TTN: variants seen among roughly 807,000 people sequenced by gnomAD.
The protein encoded by TTN is titin.
A neutral mutation model predicts 3,223.0 loss-of-function variants in TTN; 1,525 were observed. The ratio of observed to expected loss-of-function variants is 0.47; its 90% CI spans 0.45 to 0.49. The LOEUF is 0.49. TTN is among the 20% of genes least tolerant of loss of function. The pLI is 0.00. For missense variants in TTN, 40,786 were observed against 43,424.0 expected, an observed-to-expected ratio of 0.94 and a Z score of 5.40; for synonymous variants, 14,094 against 15,161.0, an observed-to-expected ratio of 0.93 and a Z score of 5.17.
intron 47 of TTN, chr2:178,752,007 C>A: frequency 2.5e-6 from 4 of 1,591,182 alleles, no homozygotes; most frequent in Non-Finnish European, 3.4e-6. Context: ...GTATCCCTTT[C>A]TGAATGTTCA....
Position 178,575,553 on chromosome 2 carries a change from C to T in TTN, c.70579G>A (p.Val23527Ile), listed in dbSNP as rs542004766. 42 of 1,613,628 alleles carry T rather than the reference C, an allele frequency of 2.6e-5. No individual in the cohort carries two copies. The highest frequency in any genetic ancestry group is 9.3e-5 in the African/African-American group (7 of 75,026). The change falls in exon 326 of 363, where the codon GTA becomes ATA. Residue 23527 changes from valine to isoleucine, a missense_variant. Physicochemically the swap from Val to Ile is conservative, Grantham distance 29 (BLOSUM62 3). Coordinates refer to ENST00000589042, the MANE Select transcript of TTN (RefSeq NM_001267550.2). The surrounding 1 kb of genome is among the most constrained non-coding windows in gnomAD (Gnocchi z 4.0). Reference sequence around the variant, plus strand: ...GGAGATGGTGCTTCAGAGGCTTTTACGGGCTCTGTAGTTTCTGTTGGCTCA... The same window carrying T: ...GGAGATGGTGCTTCAGAGGCTTTTATGGGCTCTGTAGTTTCTGTTGGCTCA... ...IGEPTETTEP[V>I]KASEAPSPPD...
At chr2:178,716,539 A>G (rs538168074) in intron 88 of TTN, among the ~76,000 whole-genome samples, 1 of 152,292 alleles carries the variant, frequency 6.6e-6, no homozygotes, top group South Asian at 2.1e-4. Context: ...TAGCAGCGAT[A>G]AACATGTGGC....
rs887610132 is a variant in TTN, at chr2:178,714,274, C to T, written c.26482+18G>A. The T allele has an allele frequency of 3.7e-6, 6 of 1,605,988 alleles. No individual in the cohort carries two copies. The highest frequency in any genetic ancestry group is 2.7e-5 in the African/African-American group (2 of 74,580). ...AGTGTGTGCCTTGTATCTGTGATAA[C>T]ATCATCTTTTTACTAACCGAGAACG... On this transcript the variant is annotated intron_variant, in intron 91 of 362. Transcript: ENST00000589042.
Position 178,738,292 on chromosome 2 carries a change from AG to A in TTN, c.14160del (p.Cys4721ValfsTer40). 1 of 1,613,544 alleles carries A rather than the reference AG, an allele frequency of 6.2e-7. No homozygotes were observed. The highest frequency in any genetic ancestry group is 8.5e-7 in the Non-Finnish European group (1 of 1,179,688). On this transcript the variant is annotated frameshift_variant, in exon 49 of 363. Transcript: ENST00000589042. LOFTEE classifies it high-confidence loss of function. Reference protein sequence around the residue: ...EVALGHLAKFTCEIQSAPNVR... With the variant: ...EVALGHLAKFXCEIQSAPNVR... ...ACATTGGGAGCACTTTGGATCTCAC[AG>A]GTGAATTTGGCTAGGTGGCCCAGTG...
chr2:178,794,857 G>A, intron 7 of TTN, 65 bp downstream of exon 7: 1 of 1,574,318 alleles, frequency 6.4e-7, no homozygotes, highest in African/African-American at 1.3e-5. Context: ...TGAGTTTCAT[G>A]GCAGAAATCC....
At chr2:178,698,742 G>T in intron 112 of TTN, 101 bp downstream of exon 112, 1 of 1,130,338 alleles carries the variant, frequency 8.8e-7, no homozygotes, top group Non-Finnish European at 1.3e-6. Context: ...ACCATTTTGT[G>T]ATTGCAAACT....
Position 178,776,508 on chromosome 2 carries a change from C to T in TTN, c.5356G>A (p.Asp1786Asn). The T allele has an allele frequency of 1.2e-6, 2 of 1,608,872 alleles. No individual in the cohort carries two copies. The highest frequency in any genetic ancestry group is 1.7e-6 in the Non-Finnish European group (2 of 1,179,976). ...TCRATNKYGT[D>N]HTSATLIVKD... ...ACAATAAGGGTAGCAGATGTGTGAT[C>T]TGTTCCATATTTGTTAGTGGCTCTG... The change falls in exon 28 of 363, where the codon GAT (aspartate) becomes AAT (asparagine). Residue 1786 changes from aspartate (D) to asparagine (N), a missense_variant. Physicochemically the swap from Asp to Asn is conservative, Grantham distance 23 (BLOSUM62 1). Coordinates refer to ENST00000589042, the MANE Select transcript of TTN (RefSeq NM_001267550.2).
rs963925646 is a variant in TTN at position 178,526,205 on chromosome 2, C to A, written c.*807G>T. ...TCATTGCTTAGGTGCCCAGGTTTTT[C>A]AGGTGCAATTAAAATTTAGAACTAC... On this transcript the variant is annotated 3_prime_UTR_variant, in exon 363 of 363. Transcript: ENST00000589042. 1 of 152,506 alleles carries A rather than the reference C, an allele frequency of 6.6e-6. No individual in the cohort carries two copies. The highest frequency in any genetic ancestry group is 2.4e-5 in the African/African-American group (1 of 41,410). 9.4% of individuals were successfully genotyped at this position (152,506 alleles called of 1,614,324 possible).
intron 47 of TTN, chr2:178,745,441 G>A (rs934371918): frequency 4.1e-6 from 6 of 1,464,372 alleles, no homozygotes; most frequent in Non-Finnish European, 5.4e-6. Flanking sequence ...TTTCTACATA[G>A]AGATTATTTC....
In TTN at chr2:178,653,101, C is replaced by G. The variant is rs1365972148; in HGVS notation, c.38815G>C (p.Val12939Leu). The change falls in exon 199 of 363, where the codon GTT (valine) becomes CTT (leucine). Residue 12939 changes from valine to leucine, a missense_variant. Transcript: ENST00000589042. ...VKVPEAPKEVVPEKKVPVTPP... is the reference protein window; with the variant it reads ...VKVPEAPKEVLPEKKVPVTPP... ...GTCACTGGCACTTTCTTTTCAGGAA[C>G]AACTTCTTTGGGAGCCTCTGGCACT... 1.2e-6 allele frequency: 2 copies of G among 1,613,046 alleles called. No homozygotes were observed. Among genetic ancestry groups the G allele is most frequent in the South Asian group, 1.1e-5 (1 of 90,970 alleles).
intron 17 of TTN, 87 bp from the exon 18 acceptor site, chr2:178,783,151 A>C: frequency 1.3e-6 from 2 of 1,497,318 alleles, no homozygotes; most frequent in Non-Finnish European, 9.2e-7. Flanking sequence ...GTTTGAACTT[A>C]TGCATTTCAA....
chr2:178,660,609 T>C (rs1272732705), intron 180 of TTN, among the ~76,000 whole-genome samples: 1 of 149,360 alleles, frequency 6.7e-6, no homozygotes, highest in Non-Finnish European at 1.5e-5. Flanking sequence ...ATTCAGGACA[T>C]AGGCATGGGC....
rs369046627 is a variant in TTN at position 178,682,746 on chromosome 2, G to A, written c.33045C>T (p.Tyr11015=). ...PTEEYDQYEE[Y]EEREYERYEE... Reference sequence around the variant, plus strand: ...CATATCGTTCATACTCCCGCTCCTCGTATTCTTCATATTGGTCATATTCTT... The same window carrying A: ...CATATCGTTCATACTCCCGCTCCTCATATTCTTCATATTGGTCATATTCTT... Residue 11015 remains tyrosine, a synonymous_variant, in exon 135 of 363, where the codon TAC becomes TAT. Coordinates refer to ENST00000589042, the MANE Select transcript of TTN (RefSeq NM_001267550.2). 8.7e-6 allele frequency: 14 copies of A among 1,612,602 alleles called. No homozygotes were observed. The highest frequency in any genetic ancestry group is 2.2e-5 in the East Asian group (1 of 44,828).
Position 178,782,391 on chromosome 2 carries a change from A to G in TTN, c.3201T>C (p.Thr1067=), listed in dbSNP as rs876657603. The G allele has an allele frequency of 1.2e-6, 2 of 1,613,988 alleles. No individual in the cohort carries two copies. The highest frequency in any genetic ancestry group is 2.7e-5 in the African/African-American group (2 of 74,930). The change falls in exon 20 of 363, where the codon ACT becomes ACC. Residue 1067 remains threonine (T), a synonymous_variant. Transcript: ENST00000589042. The stretch of plus-strand genomic sequence containing the variant: ...GCCCTGCTTGTTCCTCTGTGAGGCT[A>G]GTATCAGTCATAACCACATCTCTTG... ...VESRDVVMTD[T]SLTEEQAGPG...
chr2:178,550,556 A>G, intron 336 of TTN: 1 of 432,928 alleles, frequency 2.3e-6, no homozygotes, highest in East Asian at 4.4e-5. Context: ...ACTTCCTAAT[A>G]CTGCTGCACA....
In TTN at chr2:178,611,153, G is replaced by GCCA; in HGVS notation, c.50973_50975dup (p.Gly16992dup). The stretch of plus-strand genomic sequence containing the variant: ...ATCTATCACTTGCTTTAACTTCTTT[G>GCCA]CCATCTTTATGCCAACTAACAGTTG... On this transcript the variant is annotated inframe_insertion, in exon 270 of 363. Coordinates refer to ENST00000589042, the MANE Select transcript of TTN (RefSeq NM_001267550.2). 1 of 1,612,728 alleles carries GCCA rather than the reference G, an allele frequency of 6.2e-7. No homozygotes were observed. Among genetic ancestry groups the GCCA allele is most frequent in the Non-Finnish European group, 8.5e-7 (1 of 1,179,238 alleles).
intron 213 of TTN, among the ~76,000 whole-genome samples, chr2:178,648,947 T>C (rs1224809376): frequency 1.3e-5 from 2 of 152,186 alleles, no homozygotes; most frequent in African/African-American, 2.4e-5. Flanking sequence ...TTTTCTAATA[T>C]GATGTCTTGT....
chr2:178,785,572 T>A, intron 15 of TTN, 48 bp downstream of exon 15: 1 of 1,612,362 alleles, frequency 6.2e-7, no homozygotes. Flanking sequence ...ACAGGTTAGA[T>A]ACTTATTTCC....
In TTN at chr2:178,567,659, C is replaced by G. The variant is rs1248526272; in HGVS notation, c.78473G>C (p.Arg26158Thr). The G allele has an allele frequency of 2.5e-6, 4 of 1,612,222 alleles. No individual in the cohort carries two copies. Among genetic ancestry groups the G allele is most frequent in the Non-Finnish European group, 3.4e-6 (4 of 1,178,904 alleles). ...CTTTGCAATGACTCTGAATTCATAT[C>G]TTTGATCTTCAGTAAGACCTGACAC... ...FTVSGLTEDQ[R>T]YEFRVIAKNA... Residue 26158 changes from arginine to threonine, a missense_variant, in exon 326 of 363, where the codon AGA becomes ACA. Coordinates refer to ENST00000589042, the MANE Select transcript of TTN (RefSeq NM_001267550.2).
Sources: gnomAD v4.1 joint callset for allele counts (sites outside exome capture counted in the v4.1 genomes callset) on GRCh38, gnomAD v4.1.1 for gene constraint, Gnocchi (gnomAD v3.1) non-coding constraint, MANE v1.5 for transcripts, NCBI Gene and HGNC (gene_info 2026-07-23, HGNC 2026-07-21) for gene names.